Variants in KHDRBS2 observed in about 807,000 individuals in gnomAD.
KHDRBS2 encodes the protein KH RNA binding domain containing, signal transduction associated 2.
A neutral mutation model predicts 44.3 loss-of-function variants in KHDRBS2; 26 were observed. The ratio of observed to expected loss-of-function variants is 0.59; its 90% confidence interval spans 0.43 to 0.81. The LOEUF (loss-of-function observed/expected upper bound fraction) is 0.81. KHDRBS2 is among the 40% of genes least tolerant of loss of function. KHDRBS2 has a pLI of 0.00. For synonymous variants in KHDRBS2, 194 were observed against 151.1 expected, an observed-to-expected ratio of 1.28 and a Z score of -2.08; for missense variants, 476 against 433.1, an observed-to-expected ratio of 1.10 and a Z score of -0.88.
chr6:62,147,440 A>G (rs1814189672), intron 2 of KHDRBS2, among the ~76,000 whole-genome samples: 1 of 151,846 alleles, frequency 6.6e-6, no homozygotes, highest in East Asian at 1.9e-4. Context: ...ACCACTTCCC[A>G]CAAGTCACTG....
chr6:61,555,705 T>C, the KHDRBS2 span, among the ~76,000 whole-genome samples: 3 of 152,210 alleles, frequency 2.0e-5, no homozygotes, highest in African/African-American at 7.2e-5. Context: ...TTGTATCTTC[T>C]TTGATGCCCT....
intron 2 of KHDRBS2, among the ~76,000 whole-genome samples, chr6:62,113,587 AT>A (rs1167390451): frequency 6.6e-6 from 1 of 152,130 alleles, no homozygotes; most frequent in African/African-American, 2.4e-5. Flanking sequence ...CCCAAATGCT[AT>A]TTTTAACACA....
chr6:62,274,862 G>C (rs1840664020), intron 1 of KHDRBS2, among the ~76,000 whole-genome samples: 1 of 151,664 alleles, frequency 6.6e-6, no homozygotes, highest in Non-Finnish European at 1.5e-5. Context: ...GAACCAATTG[G>C]GTCAAGTCTG....
At chr6:61,784,632 A>G (rs1201032563) in intron 6 of KHDRBS2, among the ~76,000 whole-genome samples, 3 of 152,164 alleles carry the variant, frequency 2.0e-5, no homozygotes, top group Non-Finnish European at 4.4e-5. Flanking sequence ...AACACTCTTC[A>G]TATAATTTCT....
At chr6:61,828,379 G>A (rs1791255771) in intron 6 of KHDRBS2, among the ~76,000 whole-genome samples, 1 of 152,206 alleles carries the variant, frequency 6.6e-6, no homozygotes, top group African/African-American at 2.4e-5. Flanking sequence ...GGCAACTTCA[G>A]GAGTAAGGCC....
At chr6:61,939,438 C>A (rs1562479290) in intron 4 of KHDRBS2, among the ~76,000 whole-genome samples, 1 of 152,094 alleles carries the variant, frequency 6.6e-6, no homozygotes, top group Admixed American at 6.6e-5. Flanking sequence ...AATGTAGGCT[C>A]CATCAGCCCA....
intron 6 of KHDRBS2, among the ~76,000 whole-genome samples, chr6:61,774,480 C>G (rs1040819571): frequency 4.6e-5 from 7 of 152,114 alleles, no homozygotes; most frequent in Admixed American, 1.3e-4. Context: ...ACAAAAATCA[C>G]AAGCATTCTT....
chr6:61,624,292 C>G, the KHDRBS2 span, among the ~76,000 whole-genome samples: 393 of 152,276 alleles, frequency 2.6e-3, 5 homozygotes, highest in Non-Finnish European at 2.1e-4. Flanking sequence ...TGGCTATACA[C>G]TGGCTCTGTG....
chr6:61,606,981 G>A, the KHDRBS2 span, among the ~76,000 whole-genome samples: 11 of 152,128 alleles, frequency 7.2e-5, no homozygotes, highest in South Asian at 2.3e-3. Flanking sequence ...CTGAATGCAT[G>A]GAGGAAATTA....
the KHDRBS2 span, among the ~76,000 whole-genome samples, chr6:61,580,170 C>T: frequency 1.3e-5 from 2 of 152,154 alleles, no homozygotes; most frequent in Non-Finnish European, 2.9e-5. Context: ...TAAACTTTGA[C>T]AACTAATCAC....
chr6:62,130,660 A>C (rs955175371), intron 2 of KHDRBS2, among the ~76,000 whole-genome samples: 1 of 152,008 alleles, frequency 6.6e-6, no homozygotes, highest in African/African-American at 2.4e-5. Flanking sequence ...GTCCCAATAA[A>C]CCCATTGTAA....
intron 2 of KHDRBS2, among the ~76,000 whole-genome samples, chr6:62,158,078 G>A (rs1816843947): frequency 6.6e-6 from 1 of 152,132 alleles, no homozygotes; most frequent in South Asian, 2.1e-4. Context: ...TACCTGTAAT[G>A]TAATCATTAT....
At chr6:62,125,722 T>C (rs557112779) in intron 2 of KHDRBS2, among the ~76,000 whole-genome samples, 1 of 152,096 alleles carries the variant, frequency 6.6e-6, no homozygotes, top group Non-Finnish European at 1.5e-5. Flanking sequence ...TTGGATGTCA[T>C]TTCTAGACAT....
At chr6:62,063,549 T>C (rs927708599) in intron 2 of KHDRBS2, among the ~76,000 whole-genome samples, 1 of 151,652 alleles carries the variant, frequency 6.6e-6, no homozygotes, top group Admixed American at 6.6e-5. Context: ...TCTCAATAGA[T>C]GCAGAAAAAG....
chr6:62,176,226 A>T (rs1821065372), intron 2 of KHDRBS2, among the ~76,000 whole-genome samples: 1 of 151,464 alleles, frequency 6.6e-6, no homozygotes, highest in African/African-American at 2.4e-5. Context: ...AAAAACATAT[A>T]CCTATGTAAC....
the KHDRBS2 span, among the ~76,000 whole-genome samples, chr6:61,616,374 G>T: frequency 1.4e-3 from 212 of 151,870 alleles, no homozygotes; most frequent in Middle Eastern, 6.9e-3. Context: ...TAAAATAATT[G>T]GGCAGTGGTT....
At chr6:61,780,650 C>A (rs115215828) in intron 6 of KHDRBS2, among the ~76,000 whole-genome samples, 64 of 152,222 alleles carry the variant, frequency 4.2e-4, no homozygotes, top group African/African-American at 1.5e-3. Flanking sequence ...TCATTTTTAC[C>A]CACAAAACAA....
intron 2 of KHDRBS2, among the ~76,000 whole-genome samples, chr6:62,135,155 G>T (rs552291044): frequency 6.6e-6 from 1 of 152,274 alleles, no homozygotes; most frequent in East Asian, 1.9e-4. Flanking sequence ...CCTGTTGTGG[G>T]AGGGACCCAG....
At chr6:61,975,260 G>T (rs892628859) in intron 4 of KHDRBS2, among the ~76,000 whole-genome samples, 14 of 152,076 alleles carry the variant, frequency 9.2e-5, no homozygotes, top group Non-Finnish European at 1.9e-4. Flanking sequence ...AATCCCTTTC[G>T]CAGAAGAACA....
Sources: allele counts gnomAD v4.1 joint callset (sites outside exome capture counted in the v4.1 genomes callset), GRCh38; gene constraint gnomAD v4.1.1; transcripts MANE v1.5; gene names NCBI Gene and HGNC (gene_info 2026-07-23, HGNC 2026-07-21).